TEX22: variants seen among roughly 807,000 people sequenced by gnomAD.
The protein encoded by TEX22 is testis expressed 22.
A neutral mutation model predicts 11.3 loss-of-function variants in TEX22; 16 were observed. That is an observed-to-expected ratio of 1.42 (90% CI 0.96 to 2.15). The LOEUF (loss-of-function observed/expected upper bound fraction) is 2.15, where lower values mean the gene tolerates loss of function less well. Ranked by LOEUF, TEX22 falls within the 30% of genes most tolerant of loss-of-function variation. The probability of loss-of-function intolerance (pLI) is 0.00; values close to 1 mark genes in which losing one functional copy is unlikely to be tolerated. For missense variants in TEX22, 220 were observed against 208.6 expected, an observed-to-expected ratio of 1.05 and a Z score of -0.34; for synonymous variants, 97 against 92.3, an observed-to-expected ratio of 1.05 and a Z score of -0.29.
At position 105,411,494 on chromosome 14, in the gene TEX22, AGG is replaced by A. The variant is rs2081690821; in HGVS notation, c.279_279+1del. On this transcript the variant is annotated frameshift_variant and splice_region_variant, in exon 3 of 4. Coordinates refer to ENST00000451127, the MANE Select transcript of TEX22 (RefSeq NM_001195082.2). LOFTEE classifies it low-confidence loss of function (END_TRUNC). ...CGCCGCCGGGACCCAGCTGCACTGC[AGG>A]GTGCGCGGGGGGCGGGTCCTCCCCG... ...PGAAGTQLHC[R>X]DVVQMVAQLV... The A allele has an allele frequency of 8.0e-7, 1 of 1,249,428 alleles. No individual in the cohort carries two copies. The highest frequency in any genetic ancestry group is 1.0e-6 in the Non-Finnish European group (1 of 998,456). 77.4% of individuals were successfully genotyped at this position (1,249,428 alleles called of 1,614,324 possible).
intron 2 of TEX22, among the ~76,000 whole-genome samples, chr14:105,409,638 G>A (rs1566986272): frequency 6.6e-6 from 1 of 151,394 alleles, no homozygotes; most frequent in Non-Finnish European, 1.5e-5. Context: ...TCAGCCTCCT[G>A]AAGTGCTTGG....
chr14:105,399,208 T>TA lies in TEX22; in HGVS notation c.-39-93dup, dbSNP rs1198569194. 15 of 721,974 alleles carry TA rather than the reference T, an allele frequency of 2.1e-5. No individual in the cohort carries two copies. The East Asian group carries it at 3.8e-4, about 18-fold the overall frequency. 44.7% of individuals were successfully genotyped at this position (721,974 alleles called of 1,614,324 possible). On this transcript the variant is annotated intron_variant, in intron 1 of 3. Coordinates refer to ENST00000451127, the MANE Select transcript of TEX22 (RefSeq NM_001195082.2). ...GGAAGGTGACCCTAGCAGACCGCGA[T>TA]ACTGCCACCATCTGCCCCCAGGGAC...
intron 2 of TEX22, among the ~76,000 whole-genome samples, chr14:105,407,587 C>G (rs1555418970): frequency 6.6e-6 from 1 of 152,084 alleles, no homozygotes; most frequent in Non-Finnish European, 1.5e-5. Flanking sequence ...AGGCTGGTCT[C>G]GAACTTCTCT....
At chr14:105,402,491 A>C (rs767449993) in intron 2 of TEX22, among the ~76,000 whole-genome samples, 1 of 151,984 alleles carries the variant, frequency 6.6e-6, no homozygotes, top group Admixed American at 6.6e-5. Context: ...GTGGTGGCTC[A>C]CGCCTGTAAT....
chr14:105,401,244 TAAAAG>T, intron 2 of TEX22, among the ~76,000 whole-genome samples: 1 of 152,126 alleles, frequency 6.6e-6, no homozygotes, highest in Non-Finnish European at 1.5e-5. Flanking sequence ...TGTATGTAAA[TAAAAG>T]AAGATTGTAA....
At chr14:105,404,376 C>G (rs967568214) in intron 2 of TEX22, among the ~76,000 whole-genome samples, 4 of 152,210 alleles carry the variant, frequency 2.6e-5, no homozygotes, top group African/African-American at 4.8e-5. Context: ...TCACACTCCT[C>G]TCTTTCTACA....
chr14:105,411,525 C>CCCGGGGG, intron 3 of TEX22, 29 bp downstream of exon 3: 11 of 1,056,500 alleles, frequency 1.0e-5, no homozygotes, highest in East Asian at 5.1e-5. Context: ...CTCCCCGCCC[C>CCCGGGGG]GTCCCCGCCC....
intron 2 of TEX22, among the ~76,000 whole-genome samples, chr14:105,404,512 A>G (rs1197140523): frequency 6.6e-6 from 1 of 152,242 alleles, no homozygotes; most frequent in Non-Finnish European, 1.5e-5. Flanking sequence ...GCAGTCATTT[A>G]GTCTATACGC....
chr14:105,401,219 T>C (rs587599410), intron 2 of TEX22, among the ~76,000 whole-genome samples: 1 of 152,222 alleles, frequency 6.6e-6, no homozygotes, highest in African/African-American at 2.4e-5. Flanking sequence ...TGAATGTATA[T>C]GGAATAAATG....
intron 2 of TEX22, among the ~76,000 whole-genome samples, chr14:105,409,209 C>A (rs1386504208): frequency 2.0e-5 from 3 of 152,088 alleles, no homozygotes; most frequent in Admixed American, 6.5e-5. Flanking sequence ...CTCCTGTCTA[C>A]AGGACCCCTT....
At chr14:105,403,783 A>G (rs1331701754) in intron 2 of TEX22, among the ~76,000 whole-genome samples, 1 of 152,226 alleles carries the variant, frequency 6.6e-6, no homozygotes, top group Non-Finnish European at 1.5e-5. Flanking sequence ...TTAAAAAAAC[A>G]GACTTCATGA....
chr14:105,402,536 CAA>C (rs2081634537), intron 2 of TEX22, among the ~76,000 whole-genome samples: 1 of 151,070 alleles, frequency 6.6e-6, no homozygotes, highest in Non-Finnish European at 1.5e-5. Flanking sequence ...GGGCAGATCA[CAA>C]GGTCTGGAGA....
intron 2 of TEX22, among the ~76,000 whole-genome samples, chr14:105,403,771 T>C (rs8016766): frequency 0.24 from 37,225 of 152,148 alleles, 5,034 homozygotes; most frequent in East Asian, 0.5. Flanking sequence ...ATTCAGTGTT[T>C]TTTAAAAAAA....
chr14:105,411,729 C>T lies in TEX22; in HGVS notation c.349C>T (p.Leu117=). ...VDKDVLLPHP[L]RSTESTNAFQ... is the part of the protein sequence containing the mutation. ...CAAGGACGTGCTCCTTCCCCACCCG[C>T]TGAGGTCCACCGAGTCCACCAACGC... The change falls in exon 4 of 4, where the codon CTG becomes TTG. Residue 117 remains leucine, a synonymous_variant. Coordinates refer to ENST00000451127, the MANE Select transcript of TEX22 (RefSeq NM_001195082.2). 1.3e-6 allele frequency: 2 copies of T among 1,523,832 alleles called. No homozygotes were observed. The highest frequency in any genetic ancestry group is 1.8e-6 in the Non-Finnish European group (2 of 1,140,474). 94.4% of individuals were successfully genotyped at this position (1,523,832 alleles called of 1,614,324 possible). A position where few individuals can be genotyped will look rare whatever the true frequency, so the allele number is the denominator to read the frequency against.
intron 2 of TEX22, among the ~76,000 whole-genome samples, chr14:105,406,286 A>C (rs1566985348): frequency 6.6e-6 from 1 of 152,254 alleles, no homozygotes; most frequent in African/African-American, 2.4e-5. Context: ...TTTCTGTGCA[A>C]TCAAAGACAC....
At chr14:105,406,815 A>G (rs996019787) in intron 2 of TEX22, among the ~76,000 whole-genome samples, 6 of 152,144 alleles carry the variant, frequency 3.9e-5, no homozygotes, top group Non-Finnish European at 8.8e-5. Context: ...CATTGTGATC[A>G]TTATTCACCA....
At chr14:105,401,356 TAATA>T (rs2141355219) in intron 2 of TEX22, among the ~76,000 whole-genome samples, 1 of 152,240 alleles carries the variant, frequency 6.6e-6, no homozygotes, top group South Asian at 2.1e-4. Flanking sequence ...AAAGTAATAC[TAATA>T]AATTCCAGTA....
rs1237571700 is a variant in TEX22, at chr14:105,411,458, G to C, written c.241G>C (p.Glu81Gln). 1 of 1,234,042 alleles carries C rather than the reference G, an allele frequency of 8.1e-7. No homozygotes were observed. The highest frequency in any genetic ancestry group is 3.3e-5 in the East Asian group (1 of 30,320). 76.4% of individuals were successfully genotyped at this position (1,234,042 alleles called of 1,614,324 possible). A position where few individuals can be genotyped will look rare whatever the true frequency, so the allele number is the denominator to read the frequency against. Residue 81 changes from glutamate to glutamine, a missense_variant, in exon 3 of 4, where the codon GAG becomes CAG. Coordinates refer to ENST00000451127, the MANE Select transcript of TEX22 (RefSeq NM_001195082.2). ...GCGGCTGGCCACGCTGGGCGGCCGGGAGAGGCCGGGCGCCGCCGGGACCCA... is the reference window on the plus strand; with the variant it reads ...GCGGCTGGCCACGCTGGGCGGCCGGCAGAGGCCGGGCGCCGCCGGGACCCA... ...RRRLATLGGR[E>Q]RPGAAGTQLH...
At position 105,412,603 on chromosome 14, in the gene TEX22, ACGTGTCC is replaced by A. The variant is rs2081701309; in HGVS notation, c.*772_*778del. On this transcript the variant is annotated 3_prime_UTR_variant, in exon 4 of 4. Transcript: ENST00000451127. The surrounding 1 kb of genome is among the most constrained non-coding windows in gnomAD (Gnocchi z 5.8). ...CTCGGAAGGGTGCTGAGCCGGGGTAACGTGTCCCAGCTGCATTTTGGGGACACTAAGT... is the reference window on the plus strand; with the variant it reads ...CTCGGAAGGGTGCTGAGCCGGGGTAACAGCTGCATTTTGGGGACACTAAGT... 6.6e-6 allele frequency: 1 copy of A among 151,530 alleles called. No individual in the cohort carries two copies. The highest frequency in any genetic ancestry group is 6.6e-5 in the Admixed American group (1 of 15,208). The allele number at this position is 151,530 out of a possible 1,614,324, so 9.4% of individuals were successfully genotyped here.
Sources: gnomAD v4.1 joint callset for allele counts (sites outside exome capture counted in the v4.1 genomes callset) on GRCh38, gnomAD v4.1.1 for gene constraint, Gnocchi (gnomAD v3.1) non-coding constraint, MANE v1.5 for transcripts, NCBI Gene and HGNC (gene_info 2026-07-23, HGNC 2026-07-21) for gene names.